SCFD2: variants seen among roughly 807,000 people sequenced by gnomAD.
SCFD2 encodes sec1 family domain containing 2.
A neutral mutation model predicts 58.9 loss-of-function variants in SCFD2; 54 were observed. The ratio of observed to expected loss-of-function variants is 0.92; its 90% CI spans 0.74 to 1.15. The LOEUF is 1.15. Among genes scored for constraint, SCFD2 ranks in the 50% most tolerant of loss-of-function variants. The probability of loss-of-function intolerance (pLI) is 0.00; values close to 1 mark genes in which losing one functional copy is unlikely to be tolerated. For synonymous variants in SCFD2, 321 were observed against 335.9 expected (o/e 0.96, Z 0.49); for missense variants, 805 against 836.6 (o/e 0.96, Z 0.47).
At chr4:53,182,574 A>G (rs1727605690) in intron 4 of SCFD2, among the ~76,000 whole-genome samples, 1 of 152,214 alleles carries the variant, frequency 6.6e-6, no homozygotes, top group Non-Finnish European at 1.5e-5. Context: ...AGGCAATACC[A>G]TTCAGGACAT....
chr4:53,122,792 G>A (rs143377842), intron 5 of SCFD2, among the ~76,000 whole-genome samples: 57 of 152,214 alleles, frequency 3.7e-4, no homozygotes, highest in Non-Finnish European at 6.8e-4. Flanking sequence ...GGGAAAGTAC[G>A]CAAGGCATTT....
At position 53,067,051 on chromosome 4, in the gene SCFD2, T is replaced by C. The variant is rs190433948; in HGVS notation, c.1561+78282A>G. Among the ~76,000 whole-genome samples the C allele has an allele frequency of 6.6e-5, 10 of 152,124 alleles. No homozygotes were observed. The East Asian group carries it at 1.9e-3, about 29-fold the overall frequency. ...CAGAGGAAAAATAATTATAGTTAAT[T>C]GGTTAGCCAGTTACTACTGGTTGGT... On this transcript the variant is annotated intron_variant, in intron 5 of 8. Coordinates refer to ENST00000401642, the MANE Select transcript of SCFD2 (RefSeq NM_152540.4).
At chr4:53,327,869 G>C (rs1452688483) in intron 2 of SCFD2, among the ~76,000 whole-genome samples, 1 of 152,236 alleles carries the variant, frequency 6.6e-6, no homozygotes, top group South Asian at 2.1e-4. Context: ...AAGATCGGCC[G>C]GGTGCAGTGG....
chr4:52,889,562 C>T (rs1301394563), intron 7 of SCFD2, among the ~76,000 whole-genome samples: 1 of 152,256 alleles, frequency 6.6e-6, no homozygotes, highest in Non-Finnish European at 1.5e-5. Context: ...ATCTCCTCCA[C>T]ACACATTATT....
intron 3 of SCFD2, among the ~76,000 whole-genome samples, chr4:53,301,899 C>A (rs1732316315): frequency 6.6e-6 from 1 of 152,190 alleles, no homozygotes; most frequent in Admixed American, 6.5e-5. Context: ...CAAAATTCAA[C>A]AACCCTCCAT....
At chr4:53,153,378 T>A (rs539809581) in intron 4 of SCFD2, among the ~76,000 whole-genome samples, 3 of 152,344 alleles carry the variant, frequency 2.0e-5, no homozygotes, top group African/African-American at 7.2e-5. Flanking sequence ...GTTTATGGAT[T>A]GTGCCCTCCA....
intron 4 of SCFD2, among the ~76,000 whole-genome samples, chr4:53,161,556 G>T (rs1303785322): frequency 6.6e-6 from 1 of 152,166 alleles, no homozygotes; most frequent in African/African-American, 2.4e-5. Context: ...TATGTTTTAA[G>T]GGAGATATAA....
At chr4:53,060,676 A>G (rs1315721419) in intron 5 of SCFD2, among the ~76,000 whole-genome samples, 10 of 152,164 alleles carry the variant, frequency 6.6e-5, no homozygotes, top group African/African-American at 2.4e-4. Flanking sequence ...GGAAATCTGG[A>G]AAAATAGAGA....
chr4:52,993,297 C>G (rs948544678), intron 5 of SCFD2, among the ~76,000 whole-genome samples: 4 of 151,704 alleles, frequency 2.6e-5, no homozygotes, highest in Admixed American at 6.6e-5. Context: ...ACCAGAGACC[C>G]TTGTTCACTT....
chr4:53,182,508 T>G (rs991356146), intron 4 of SCFD2, among the ~76,000 whole-genome samples: 1 of 152,162 alleles, frequency 6.6e-6, no homozygotes, highest in Admixed American at 6.5e-5. Flanking sequence ...GAATTCAAGA[T>G]GGATTAAAGA....
intron 4 of SCFD2, 152 bp from the exon 5 acceptor site, chr4:53,145,734 A>C: frequency 1.3e-6 from 1 of 750,734 alleles, no homozygotes; most frequent in Non-Finnish European, 2.0e-6. Context: ...TCCTGGAGAG[A>C]ATACTACAAG....
At chr4:53,300,957 G>C (rs1732259731) in intron 3 of SCFD2, among the ~76,000 whole-genome samples, 1 of 152,196 alleles carries the variant, frequency 6.6e-6, no homozygotes, top group African/African-American at 2.4e-5. Context: ...GCAGTGTGTA[G>C]AGGGAAATTT....
At position 53,270,504 on chromosome 4, in the gene SCFD2, G is replaced by C. The variant is rs548213578; in HGVS notation, c.1311+3322C>G. On this transcript the variant is annotated intron_variant, in intron 4 of 8. Coordinates refer to ENST00000401642, the MANE Select transcript of SCFD2 (RefSeq NM_152540.4). ...ACTGAAAAAGGGCCTAGTATGCCTG[G>C]TCAATGCACTATGAAAGACACTTGG... Among the ~76,000 whole-genome samples, 5 of 152,280 alleles carry C rather than the reference G, an allele frequency of 3.3e-5. No homozygotes were observed. In the South Asian group the frequency reaches 1.0e-3, roughly 32 times the overall value.
intron 5 of SCFD2, among the ~76,000 whole-genome samples, chr4:52,997,182 C>T (rs377440108): frequency 4.1e-4 from 62 of 152,294 alleles, no homozygotes; most frequent in Admixed American, 1.9e-3. Context: ...AACCCCTCTG[C>T]GCCCACTTCA....
At chr4:52,897,498 G>T (rs1204526766) in intron 7 of SCFD2, among the ~76,000 whole-genome samples, 1 of 152,304 alleles carries the variant, frequency 6.6e-6, no homozygotes, top group Non-Finnish European at 1.5e-5. Flanking sequence ...TGCATCCCAG[G>T]GATGAAGCCC....
At chr4:53,261,289 T>C (rs1167706766) in intron 4 of SCFD2, among the ~76,000 whole-genome samples, 1 of 152,156 alleles carries the variant, frequency 6.6e-6, no homozygotes. Flanking sequence ...GTTTGGTGTG[T>C]TCTTGCTTCT....
At chr4:53,303,906 A>G (rs1732422978) in intron 3 of SCFD2, among the ~76,000 whole-genome samples, 1 of 145,080 alleles carries the variant, frequency 6.9e-6, no homozygotes. Context: ...GAACAATGAG[A>G]ACACATGGAC....
chr4:53,141,314 T>C (rs1201183805), intron 5 of SCFD2, among the ~76,000 whole-genome samples: 1 of 152,042 alleles, frequency 6.6e-6, no homozygotes, highest in African/African-American at 2.4e-5. Context: ...AAAAGGGAAA[T>C]GTATACATAT....
intron 5 of SCFD2, among the ~76,000 whole-genome samples, chr4:52,992,937 G>C (rs1326212250): frequency 1.3e-5 from 2 of 152,154 alleles, no homozygotes; most frequent in Non-Finnish European, 2.9e-5. Context: ...GACGATGGCG[G>C]TTTTGTCGAA....
Sources: gnomAD v4.1 joint callset for allele counts (sites outside exome capture counted in the v4.1 genomes callset) on GRCh38, gnomAD v4.1.1 for gene constraint, MANE v1.5 for transcripts, NCBI Gene and HGNC (gene_info 2026-07-23, HGNC 2026-07-21) for gene names.